The following GRTP1 variants were observed in gnomAD, a reference collection of about 807,000 sequenced individuals.
GRTP1 encodes the protein growth hormone regulated TBC protein 1, also known as growth hormone-regulated TBC protein 1.
In GRTP1, 56 loss-of-function variants were observed where a neutral mutation model predicts 38.1. The ratio of observed to expected loss-of-function variants is 1.47; its 90% confidence interval spans 1.19 to 1.84. The LOEUF (loss-of-function observed/expected upper bound fraction) is 1.84. Among genes scored for constraint, GRTP1 ranks in the 40% most tolerant of loss-of-function variants. The pLI, the probability that GRTP1 is intolerant of heterozygous loss-of-function variation, is 0.00. For missense variants in GRTP1, 506 were observed against 453.9 expected, an observed-to-expected ratio of 1.11 and a Z score of -1.04; for synonymous variants, 217 against 189.5, an observed-to-expected ratio of 1.14 and a Z score of -1.19.
chr13:113,337,822 C>T (rs766917982), intron 5 of GRTP1, among the ~76,000 whole-genome samples: 1 of 152,250 alleles, frequency 6.6e-6, no homozygotes, highest in African/African-American at 2.4e-5. Flanking sequence ...ACGCAGGAAA[C>T]GCACCTCCGA....
intron 2 of GRTP1, among the ~76,000 whole-genome samples, chr13:113,363,017 G>A (rs775448856): frequency 3.4e-4 from 52 of 152,216 alleles, no homozygotes; most frequent in Non-Finnish European, 5.9e-4. Context: ...AGGGAGGAAG[G>A]GTTTTTGACT....
chr13:113,328,848 C>T (rs2042813985), intron 5 of GRTP1, among the ~76,000 whole-genome samples: 1 of 152,218 alleles, frequency 6.6e-6, no homozygotes, highest in Non-Finnish European at 1.5e-5. Context: ...GGAAAGACAC[C>T]CCTGAAATCC....
chr13:113,326,628 A>G (rs900964189), intron 5 of GRTP1, among the ~76,000 whole-genome samples: 2 of 151,956 alleles, frequency 1.3e-5, no homozygotes, highest in East Asian at 1.9e-4. Context: ...CCGAGATCAC[A>G]CCACTGCACT....
In GRTP1 at chr13:113,361,130, A is replaced by T. The variant is rs1006995511; in HGVS notation, c.181+2632T>A. ...GACTCAAAAAAAAAAAAAAAAAAAAAATTAAAGCAAAAAGAAGAAAGTTGT... is the reference window on the plus strand; with the variant it reads ...GACTCAAAAAAAAAAAAAAAAAAAATATTAAAGCAAAAAGAAGAAAGTTGT... On this transcript the variant is annotated intron_variant, in intron 2 of 7. Coordinates refer to ENST00000375431, the MANE Select transcript of GRTP1 (RefSeq NM_024719.4). Among the ~76,000 whole-genome samples, 4 of 130,834 alleles carry T rather than the reference A, an allele frequency of 3.1e-5. No individual in the cohort carries two copies. The Admixed American group carries it at 3.2e-4, about 10-fold the overall frequency. 85.8% of individuals were successfully genotyped at this position (130,834 alleles called of 152,430 possible).
At position 113,325,997 on chromosome 13, in the gene GRTP1, C is replaced by G. The variant is rs1371596745; in HGVS notation, c.657G>C (p.Met219Ile). ...GCGTCCACAGCACACCGAGACGCTC[C>G]ATCAGGGCCCCCACAGCCGGCAGCT... ...RAKLPAVGAL[M>I]ERLGVLWTLL... Residue 219 changes from methionine to isoleucine, a missense_variant, in exon 6 of 8, where the codon ATG becomes ATC. By Grantham distance (10) the Met-to-Ile change is conservative (BLOSUM62 1). Transcript: ENST00000375431. 9 of 1,613,862 alleles carry G rather than the reference C, an allele frequency of 5.6e-6. No individual in the cohort carries two copies. The highest frequency in any genetic ancestry group is 7.6e-6 in the Non-Finnish European group (9 of 1,179,944).
intron 5 of GRTP1, among the ~76,000 whole-genome samples, chr13:113,336,308 T>TTTTTG (rs764596849): frequency 2.0e-5 from 1 of 49,060 alleles, no homozygotes; most frequent in Non-Finnish European, 5.5e-5. Flanking sequence ...GTTTTTTTTT[T>TTTTTG]TTTTTTTAAG....
intron 5 of GRTP1, among the ~76,000 whole-genome samples, 168 bp downstream of exon 5, chr13:113,344,695 A>T (rs541755976): frequency 1.6e-5 from 2 of 125,182 alleles, no homozygotes; most frequent in Non-Finnish European, 3.2e-5. Context: ...CCTGGGCATC[A>T]GAGCGAGACT....
intron 2 of GRTP1, 154 bp from the exon 3 acceptor site, chr13:113,355,635 T>C (rs1165963322): frequency 3.5e-6 from 3 of 855,122 alleles, no homozygotes; most frequent in African/African-American, 3.4e-5. Context: ...AACTGGTACA[T>C]ATACTCCTTT....
chr13:113,356,682 G>A (rs1473041553), intron 2 of GRTP1, among the ~76,000 whole-genome samples: 3 of 152,124 alleles, frequency 2.0e-5, no homozygotes, highest in Admixed American at 2.0e-4. Context: ...AAAATCTGAG[G>A]CACCAGCTGT....
intron 2 of GRTP1, among the ~76,000 whole-genome samples, chr13:113,359,185 G>A (rs1214578188): frequency 6.6e-6 from 1 of 152,208 alleles, no homozygotes; most frequent in Non-Finnish European, 1.5e-5. Context: ...AGAAATGGCT[G>A]AACTACGGGA....
At chr13:113,332,201 TCCC>T (rs1389466174) in intron 5 of GRTP1, among the ~76,000 whole-genome samples, 3 of 150,684 alleles carry the variant, frequency 2.0e-5, no homozygotes, top group Non-Finnish European at 1.5e-5. Context: ...GCACATTTGC[TCCC>T]CCGTCACCTC....
chr13:113,337,214 A>G (rs977091330), intron 5 of GRTP1, among the ~76,000 whole-genome samples: 1 of 152,200 alleles, frequency 6.6e-6, no homozygotes, highest in Non-Finnish European at 1.5e-5. Flanking sequence ...GGATCACTTG[A>G]ACCCAGGAGG....
At chr13:113,332,674 C>A (rs552263574) in intron 5 of GRTP1, among the ~76,000 whole-genome samples, 18 of 152,366 alleles carry the variant, frequency 1.2e-4, no homozygotes, top group East Asian at 9.6e-4. Flanking sequence ...CAAGAACAAG[C>A]TTCAGGAGCC....
At chr13:113,356,767 C>G (rs570158633) in intron 2 of GRTP1, among the ~76,000 whole-genome samples, 1 of 152,234 alleles carries the variant, frequency 6.6e-6, no homozygotes, top group South Asian at 2.1e-4. Flanking sequence ...TTTATGAGCT[C>G]AAATTCCAAG....
At chr13:113,330,074 C>T (rs1448212865) in intron 5 of GRTP1, among the ~76,000 whole-genome samples, 1 of 148,922 alleles carries the variant, frequency 6.7e-6, no homozygotes, top group Non-Finnish European at 1.5e-5. Flanking sequence ...CATGGAAACC[C>T]GGGTGCGTGC....
Position 113,324,574 on chromosome 13 carries a change from T to C in GRTP1, c.925A>G (p.Ile309Val). The part of the protein sequence containing the change: ...VMECHTFMQK[I>V]FSEPGSLSMA... Reference sequence around the variant, plus strand: ...GATAAGCTTCCAGGTTCTGAAAATATTTTCTGGAAGGCAAACAGTTAGTTT... The same window carrying C: ...GATAAGCTTCCAGGTTCTGAAAATACTTTCTGGAAGGCAAACAGTTAGTTT... Residue 309 changes from isoleucine to valine, a missense_variant, in exon 8 of 8, where the codon ATA (isoleucine) becomes GTA (valine). Ile to Val is a conservative substitution (Grantham distance 29). Coordinates refer to ENST00000375431, the MANE Select transcript of GRTP1 (RefSeq NM_024719.4). 6.2e-7 allele frequency: 1 copy of C among 1,605,432 alleles called. No homozygotes were observed. Among genetic ancestry groups the C allele is most frequent in the Non-Finnish European group, 8.5e-7 (1 of 1,176,138 alleles).
At chr13:113,352,612 C>T (rs1455077888) in intron 3 of GRTP1, among the ~76,000 whole-genome samples, 4 of 151,870 alleles carry the variant, frequency 2.6e-5, no homozygotes, top group Non-Finnish European at 5.9e-5. Context: ...CTGAGCTCAA[C>T]TAATCCGCCT....
chr13:113,356,167 G>A (rs184480998), intron 2 of GRTP1, among the ~76,000 whole-genome samples: 57 of 152,292 alleles, frequency 3.7e-4, no homozygotes, highest in Non-Finnish European at 5.9e-5. Context: ...GTCCAAAGCT[G>A]CGACACTGTG....
At position 113,325,621 on chromosome 13, in the gene GRTP1, C is replaced by A. The variant is rs762781838; in HGVS notation, c.921+40G>T. The A allele has an allele frequency of 1.9e-6, 3 of 1,611,396 alleles. No homozygotes were observed. In the African/African-American group the frequency reaches 4.0e-5, roughly 22 times the overall value. ...CCCCCGGGCTGCAGGTGAGGCGGGG[C>A]CCCCTGGGAGGGGACTGAGCCACGT... On this transcript the variant is annotated intron_variant, in intron 7 of 7. Coordinates refer to ENST00000375431, the MANE Select transcript of GRTP1 (RefSeq NM_024719.4).
Sources: allele counts gnomAD v4.1 joint callset (sites outside exome capture counted in the v4.1 genomes callset), GRCh38; gene constraint gnomAD v4.1.1; transcripts MANE v1.5; gene names NCBI Gene and HGNC (gene_info 2026-07-23, HGNC 2026-07-21).